The following SUMF1 variants were observed in gnomAD, a reference collection of about 807,000 sequenced individuals.
SUMF1 encodes sulfatase modifying factor 1.
In SUMF1, 48 loss-of-function variants were observed where a neutral mutation model predicts 47.6. The ratio of observed to expected loss-of-function variants is 1.01; its 90% CI spans 0.80 to 1.28. The LOEUF is 1.28. Among genes scored for constraint, SUMF1 ranks in the 50% most tolerant of loss-of-function variants. The probability of loss-of-function intolerance (pLI) is 0.00; values close to 1 mark genes in which losing one functional copy is unlikely to be tolerated. For missense variants in SUMF1, 571 were observed against 485.4 expected, an observed-to-expected ratio of 1.18 and a Z score of -1.66; for synonymous variants, 230 against 192.1, an observed-to-expected ratio of 1.20 and a Z score of -1.63.
At chr3:4,099,178 T>C (rs1008535389) in intron 8 of SUMF1, among the ~76,000 whole-genome samples, 1 of 152,084 alleles carries the variant, frequency 6.6e-6, no homozygotes, top group Non-Finnish European at 1.5e-5. Context: ...AACAGATAGT[T>C]GTGGACTTTA....
At chr3:4,429,302 G>C (rs1210993340) in intron 3 of SUMF1, among the ~76,000 whole-genome samples, 1 of 152,200 alleles carries the variant, frequency 6.6e-6, no homozygotes, top group Non-Finnish European at 1.5e-5. Flanking sequence ...TTTCAACTCT[G>C]TAAGAAGGCT....
At chr3:4,259,575 T>A (rs1281819396) in intron 8 of SUMF1, among the ~76,000 whole-genome samples, 1 of 152,188 alleles carries the variant, frequency 6.6e-6, no homozygotes, top group Non-Finnish European at 1.5e-5. Flanking sequence ...TTTATTTGTT[T>A]TTTCTATCAA....
intron 8 of SUMF1, among the ~76,000 whole-genome samples, chr3:4,139,527 A>ATG (rs915972446): frequency 6.6e-6 from 1 of 150,690 alleles, no homozygotes; most frequent in Non-Finnish European, 1.5e-5. Flanking sequence ...ATATACATGC[A>ATG]TGTGTGTGTG....
At chr3:4,179,759 C>G (rs532255350) in intron 8 of SUMF1, among the ~76,000 whole-genome samples, 1 of 152,212 alleles carries the variant, frequency 6.6e-6, no homozygotes, top group East Asian at 1.9e-4. Flanking sequence ...AACTGGCAAC[C>G]TACAGAATGG....
intron 8 of SUMF1, among the ~76,000 whole-genome samples, chr3:4,314,964 G>A (rs1279867563): frequency 6.6e-6 from 1 of 152,086 alleles, no homozygotes; most frequent in African/African-American, 2.4e-5. Context: ...TAAGTACATT[G>A]TACACTTTAA....
At chr3:4,376,227 C>A in intron 8 of SUMF1, 103 bp downstream of exon 8, 1 of 1,365,778 alleles carries the variant, frequency 7.3e-7, no homozygotes, top group Middle Eastern at 1.8e-4. Context: ...GTTAGGTAGG[C>A]ATTTGCAGAA....
chr3:4,168,025 G>C (rs978047451), intron 8 of SUMF1, among the ~76,000 whole-genome samples: 1 of 152,088 alleles, frequency 6.6e-6, no homozygotes, highest in African/African-American at 2.4e-5. Context: ...CATATTTATT[G>C]TGCTCATAAA....
chr3:4,348,106 A>G (rs1699410725), intron 8 of SUMF1, among the ~76,000 whole-genome samples: 1 of 152,248 alleles, frequency 6.6e-6, no homozygotes, highest in African/African-American at 2.4e-5. Context: ...TAGTGCCCAA[A>G]GTAATTTATA....
At chr3:4,303,700 A>G in intron 8 of SUMF1, 1 of 1,500,860 alleles carries the variant, frequency 6.7e-7, no homozygotes, top group East Asian at 2.7e-5. Flanking sequence ...TTTTCTGTTG[A>G]CCCACGGCAT....
In SUMF1 at chr3:4,353,457, T is replaced by C. The variant is rs569040925; in HGVS notation, c.1014+22873A>G. ...TTAGTAGAGACGGGGTTTCACCGTG[T>C]TAGCCAGGATGGTCTCGATCTCCTG... On this transcript the variant is annotated intron_variant and NMD_transcript_variant, in intron 8 of 12. Transcript: ENST00000448413. 5.5e-4 allele frequency among the ~76,000 whole-genome samples: 83 copies of C among 152,254 alleles called. 2 individuals carry two copies. In the South Asian group the frequency reaches 0.017, roughly 32 times the overall value.
chr3:4,145,440 T>C (rs1431908813), intron 8 of SUMF1, among the ~76,000 whole-genome samples: 2 of 152,148 alleles, frequency 1.3e-5, no homozygotes, highest in African/African-American at 4.8e-5. Flanking sequence ...TATTTGTTAA[T>C]ACTCTGCTAA....
In SUMF1 at chr3:4,134,998, A is replaced by G. The variant is rs996795010; in HGVS notation, c.1015-66253T>C. ...ATAATCAATAGCTTACCAACCAATA[A>G]AAGTCCAGGACCAGATGGATTCACA... is the stretch of plus-strand genomic sequence containing the variant. On this transcript the variant is annotated intron_variant and NMD_transcript_variant, in intron 8 of 12. Transcript: ENST00000448413. 3.3e-5 allele frequency among the ~76,000 whole-genome samples: 5 copies of G among 152,256 alleles called. No individual in the cohort carries two copies. In the East Asian group the frequency reaches 7.7e-4, roughly 24 times the overall value.
chr3:4,426,768 C>A (rs1299691469), intron 3 of SUMF1, among the ~76,000 whole-genome samples: 1 of 152,174 alleles, frequency 6.6e-6, no homozygotes, highest in Admixed American at 6.5e-5. Flanking sequence ...GGTTGTCCAC[C>A]TACACATTCT....
At chr3:4,225,511 C>T (rs1696154397) in intron 8 of SUMF1, among the ~76,000 whole-genome samples, 1 of 152,150 alleles carries the variant, frequency 6.6e-6, no homozygotes, top group Non-Finnish European at 1.5e-5. Flanking sequence ...ACTTCTCAGC[C>T]TCCAACTTGA....
chr3:4,313,202 G>A (rs762523701), intron 8 of SUMF1: 8 of 1,613,796 alleles, frequency 5.0e-6, no homozygotes, highest in Admixed American at 1.7e-5. Context: ...TGGGGACTTC[G>A]TACCTTGGAA....
chr3:4,262,680 G>C (rs1697112078), intron 8 of SUMF1, among the ~76,000 whole-genome samples: 1 of 152,116 alleles, frequency 6.6e-6, no homozygotes, highest in African/African-American at 2.4e-5. Context: ...TTTCCCAAAA[G>C]TTCCAACAAA....
intron 8 of SUMF1, among the ~76,000 whole-genome samples, chr3:4,121,590 C>T (rs1268233234): frequency 1.3e-5 from 2 of 152,054 alleles, no homozygotes; most frequent in Non-Finnish European, 2.9e-5. Flanking sequence ...TAAACACATG[C>T]TCAAAAAGTT....
chr3:4,213,282 T>C (rs756041333), intron 8 of SUMF1, among the ~76,000 whole-genome samples: 3 of 152,172 alleles, frequency 2.0e-5, no homozygotes, highest in Non-Finnish European at 4.4e-5. Context: ...AAAAGAATTT[T>C]CAACCGAGAA....
chr3:4,214,071 C>G (rs111887556), intron 8 of SUMF1, among the ~76,000 whole-genome samples: 1 of 152,172 alleles, frequency 6.6e-6, no homozygotes, highest in Non-Finnish European at 1.5e-5. Flanking sequence ...TAATAGATAT[C>G]TACAGAACTC....
Sources: allele counts gnomAD v4.1 joint callset (sites outside exome capture counted in the v4.1 genomes callset), GRCh38; gene constraint gnomAD v4.1.1; transcripts MANE v1.5; gene names NCBI Gene and HGNC (gene_info 2026-07-23, HGNC 2026-07-21).